The following CCDC178 variants were observed in gnomAD, a reference collection of about 807,000 sequenced individuals.
CCDC178 encodes coiled-coil domain containing 178.
Under a neutral mutation model 117.4 loss-of-function variants are expected in CCDC178, and 126 were observed. That is an observed-to-expected ratio of 1.07 (90% confidence interval 0.93 to 1.24). The LOEUF is 1.24. CCDC178 is among the 50% of genes most tolerant of loss of function. The pLI, the probability that CCDC178 is intolerant of heterozygous loss-of-function variation, is 0.00. For synonymous variants in CCDC178, 283 were observed against 313.4 expected, an observed-to-expected ratio of 0.90 and a Z score of 1.02; for missense variants, 1,030 against 986.9, an observed-to-expected ratio of 1.04 and a Z score of -0.59.
chr18:33,278,948 T>C (rs900485035), intron 12 of CCDC178, among the ~76,000 whole-genome samples: 3 of 152,034 alleles, frequency 2.0e-5, no homozygotes, highest in East Asian at 3.9e-4. Context: ...ATTGATGGGA[T>C]GTATCTCAAA....
intron 7 of CCDC178, among the ~76,000 whole-genome samples, chr18:33,354,910 T>C (rs1249704699): frequency 6.6e-6 from 1 of 152,154 alleles, no homozygotes; most frequent in Non-Finnish European, 1.5e-5. Flanking sequence ...GCACCCAGCC[T>C]AGAATTTCTA....
intron 22 of CCDC178, among the ~76,000 whole-genome samples, chr18:32,963,331 T>A (rs2054745388): frequency 1.3e-5 from 2 of 152,008 alleles, no homozygotes; most frequent in Non-Finnish European, 2.9e-5. Flanking sequence ...CCCTTTATAT[T>A]CAGTTGCTCA....
chr18:33,345,636 C>G (rs551544318), intron 9 of CCDC178, among the ~76,000 whole-genome samples: 1 of 152,112 alleles, frequency 6.6e-6, no homozygotes, highest in African/African-American at 2.4e-5. Context: ...TCTAGAAATT[C>G]AAATACTGTA....
chr18:32,978,357 A>G (rs1448063360), intron 21 of CCDC178, among the ~76,000 whole-genome samples: 2 of 152,000 alleles, frequency 1.3e-5, no homozygotes, highest in African/African-American at 4.8e-5. Flanking sequence ...ACATTTGCAC[A>G]CGAAAGACAA....
At chr18:33,155,313 G>A (rs1027525972) in intron 20 of CCDC178, among the ~76,000 whole-genome samples, 3 of 151,958 alleles carry the variant, frequency 2.0e-5, no homozygotes, top group African/African-American at 7.2e-5. Context: ...ACGGTAGAAT[G>A]AAAATAAAAA....
chr18:33,001,411 G>GCTGGGAGC (rs113946230), intron 21 of CCDC178, among the ~76,000 whole-genome samples: 1 of 151,814 alleles, frequency 6.6e-6, no homozygotes, highest in African/African-American at 2.4e-5. Flanking sequence ...TACTTGGGAG[G>GCTGGGAGC]CTGAGGCAGG....
chr18:33,223,654 A>G (rs2059266386), intron 17 of CCDC178, among the ~76,000 whole-genome samples: 1 of 152,172 alleles, frequency 6.6e-6, no homozygotes, highest in Non-Finnish European at 1.5e-5. Flanking sequence ...TTACTGAACT[A>G]CAAGAAGATG....
chr18:33,156,467 A>C (rs1258346821), intron 20 of CCDC178, among the ~76,000 whole-genome samples: 1 of 151,928 alleles, frequency 6.6e-6, no homozygotes, highest in Non-Finnish European at 1.5e-5. Context: ...CCAGGTAGCA[A>C]AAATAATAGG....
At chr18:33,033,843 A>T (rs537467057) in intron 21 of CCDC178, among the ~76,000 whole-genome samples, 4 of 152,018 alleles carry the variant, frequency 2.6e-5, no homozygotes, top group African/African-American at 9.6e-5. Flanking sequence ...TTTTCAAATT[A>T]TATGTTCATT....
At chr18:33,293,865 T>C (rs1011391465) in intron 11 of CCDC178, among the ~76,000 whole-genome samples, 1 of 152,144 alleles carries the variant, frequency 6.6e-6, no homozygotes, top group African/African-American at 2.4e-5. Flanking sequence ...AAATCAATTA[T>C]AAATGCTTTC....
chr18:33,177,094 C>T (rs2058672165), intron 20 of CCDC178, among the ~76,000 whole-genome samples: 1 of 152,060 alleles, frequency 6.6e-6, no homozygotes, highest in Non-Finnish European at 1.5e-5. Context: ...TCTCAGCAAA[C>T]CAACACAGGA....
At chr18:33,219,404 G>T (rs156184) in intron 18 of CCDC178, among the ~76,000 whole-genome samples, 24,437 of 152,024 alleles carry the variant, frequency 0.16, 2,735 homozygotes, top group African/African-American at 0.32. Flanking sequence ...AATACCATTT[G>T]ACCCAGCCAT....
At chr18:33,294,002 A>ATATTG (rs1311907935) in intron 11 of CCDC178, among the ~76,000 whole-genome samples, 2 of 152,226 alleles carry the variant, frequency 1.3e-5, no homozygotes, top group East Asian at 3.8e-4. Context: ...AGGAGGCAGA[A>ATATTG]GTGAAAAGAC....
chr18:33,235,914 C>G (rs2059421537), intron 15 of CCDC178, among the ~76,000 whole-genome samples: 1 of 152,166 alleles, frequency 6.6e-6, no homozygotes, highest in African/African-American at 2.4e-5. Context: ...CCAAACACCT[C>G]TTTTCTGAAT....
At chr18:33,104,637 C>G (rs561111195) in intron 20 of CCDC178, among the ~76,000 whole-genome samples, 1 of 151,806 alleles carries the variant, frequency 6.6e-6, no homozygotes, top group African/African-American at 2.4e-5. Context: ...AACTAAAAAT[C>G]TCTGGGGAAA....
chr18:33,108,808 C>A (rs1171954628), intron 20 of CCDC178, among the ~76,000 whole-genome samples: 1 of 151,590 alleles, frequency 6.6e-6, no homozygotes, highest in Non-Finnish European at 1.5e-5. Flanking sequence ...AAAGTGTGTA[C>A]TTTGATAACT....
intron 12 of CCDC178, among the ~76,000 whole-genome samples, chr18:33,279,062 A>T (rs200793583): frequency 0.068 from 10,290 of 150,994 alleles, 523 homozygotes; most frequent in African/African-American, 0.14. Context: ...GGATGCCCTC[A>T]CTCACCACTC....
At chr18:33,383,204 G>A (rs1019133653) in intron 5 of CCDC178, among the ~76,000 whole-genome samples, 1 of 152,238 alleles carries the variant, frequency 6.6e-6, no homozygotes, top group African/African-American at 2.4e-5. Flanking sequence ...CCAGTCAGGG[G>A]CTTACAGACA....
intron 21 of CCDC178, among the ~76,000 whole-genome samples, chr18:32,982,834 G>T (rs2055179632): frequency 6.6e-6 from 1 of 152,074 alleles, no homozygotes; most frequent in Admixed American, 6.6e-5. Context: ...AATTAGCAGA[G>T]CACACAGGGT....
Sources: allele counts gnomAD v4.1 joint callset (sites outside exome capture counted in the v4.1 genomes callset), GRCh38; gene constraint gnomAD v4.1.1; transcripts MANE v1.5; gene names NCBI Gene and HGNC (gene_info 2026-07-23, HGNC 2026-07-21).